Variants in HOATZ observed in about 807,000 individuals in gnomAD.
HOATZ encodes the protein HOATZ cilia and flagella associated protein.
HOATZ carries 26 observed loss-of-function variants against 24.9 expected under a neutral mutation model. That is an observed-to-expected ratio of 1.04 (90% CI 0.76 to 1.45). The LOEUF (loss-of-function observed/expected upper bound fraction) is 1.45. HOATZ is among the 40% of genes most tolerant of loss of function. The probability of loss-of-function intolerance (pLI) is 0.00; values close to 1 mark genes in which losing one functional copy is unlikely to be tolerated. For synonymous variants in HOATZ, 83 were observed against 76.6 expected (o/e 1.08, Z -0.43); for missense variants, 226 against 201.5 (o/e 1.12, Z -0.74).
At chr11:111,525,039 T>G (rs1337795436) in intron 3 of HOATZ, 1 of 321,964 alleles carries the variant, frequency 3.1e-6, no homozygotes, top group African/African-American at 2.2e-5. Flanking sequence ...CAGCTACATT[T>G]TTTGTATTTT....
chr11:111,526,497 A>T, intron 3 of HOATZ, among the ~76,000 whole-genome samples: 1 of 152,078 alleles, frequency 6.6e-6, no homozygotes, highest in East Asian at 1.9e-4. Flanking sequence ...TGGATATGGG[A>T]GGTGAGGTAC....
At chr11:111,527,627 T>G (rs1424521343) in intron 3 of HOATZ, among the ~76,000 whole-genome samples, 1 of 152,226 alleles carries the variant, frequency 6.6e-6, no homozygotes, top group Non-Finnish European at 1.5e-5. Context: ...TTAAAGTGCA[T>G]AGTAGATAAT....
chr11:111,531,868 C>T (rs1867396929), intron 3 of HOATZ, among the ~76,000 whole-genome samples: 2 of 152,192 alleles, frequency 1.3e-5, no homozygotes, highest in African/African-American at 4.8e-5. Flanking sequence ...CTTGATGAAT[C>T]ATGCCTGAGG....
intron 1 of HOATZ, 191 bp downstream of exon 1, chr11:111,515,201 G>A: frequency 1.7e-6 from 1 of 605,516 alleles, no homozygotes; most frequent in Non-Finnish European, 2.9e-6. Flanking sequence ...TGGTATATAT[G>A]TTACATCTAA....
chr11:111,534,552 C>G, intron 5 of HOATZ, 88 bp downstream of exon 5: 1 of 1,046,808 alleles, frequency 9.6e-7, no homozygotes, highest in Non-Finnish European at 1.5e-6. Flanking sequence ...GCCACTTACC[C>G]TTAAATCTTC....
intron 3 of HOATZ, among the ~76,000 whole-genome samples, chr11:111,529,742 C>A (rs981347668): frequency 2.0e-5 from 3 of 152,060 alleles, no homozygotes; most frequent in Non-Finnish European, 2.9e-5. Flanking sequence ...TATATGGGAA[C>A]CAGGTCTTGA....
At chr11:111,535,845 T>C (rs1282561432) in intron 5 of HOATZ, 2 of 151,898 alleles carry the variant, frequency 1.3e-5, no homozygotes, top group Non-Finnish European at 2.9e-5. Context: ...TTTTAGTAGA[T>C]ACAGGGTTTC....
In HOATZ at chr11:111,534,318, T is replaced by G. The variant is rs142681118; in HGVS notation, c.400-94T>G. ...AAGCTAGTCTTTATAAACTCTGTGA[T>G]GATTTTACCTCAGCTTTTTTTCAAA... is the stretch of plus-strand genomic sequence containing the variant. On this transcript the variant is annotated intron_variant, in intron 4 of 5. Transcript: ENST00000375618. The G allele has an allele frequency of 1.1e-4, 101 of 882,434 alleles. No homozygotes were observed. The African/African-American group carries it at 1.6e-3, about 14-fold the overall frequency. The allele number at this position is 882,434 out of a possible 1,614,324, so 54.7% of individuals were successfully genotyped here. A position where few individuals can be genotyped will look rare whatever the true frequency, so the allele number is the denominator to read the frequency against.
chr11:111,536,505 C>T (rs1209955641), intron 5 of HOATZ: 8 of 291,150 alleles, frequency 2.7e-5, no homozygotes, highest in Non-Finnish European at 5.1e-5. Context: ...AAATCAATTA[C>T]CAATGATGAA....
intron 3 of HOATZ, among the ~76,000 whole-genome samples, chr11:111,531,290 A>G (rs994269152): frequency 9.1e-5 from 7 of 76,520 alleles, no homozygotes; most frequent in African/African-American, 3.2e-4. Context: ...GCATTCATAC[A>G]TCATGACTCA....
intron 1 of HOATZ, 67 bp from the exon 2 acceptor site, chr11:111,515,444 A>C: frequency 7.5e-7 from 1 of 1,341,790 alleles, no homozygotes; most frequent in Non-Finnish European, 1.1e-6. Context: ...TAGTATAAAA[A>C]ATTCAAACGC....
In HOATZ at chr11:111,536,504, A is replaced by G. The variant is rs530166266; in HGVS notation, c.453-266A>G. ...AATGGGTAAACCAAAGAAATCAATTACCAATGATGAAATCTCAGGAGTCTG... is the reference window on the plus strand; with the variant it reads ...AATGGGTAAACCAAAGAAATCAATTGCCAATGATGAAATCTCAGGAGTCTG... On this transcript the variant is annotated intron_variant, in intron 5 of 5. Transcript: ENST00000375618. 5.1e-5 allele frequency: 15 copies of G among 292,050 alleles called. No homozygotes were observed. In the Admixed American group the frequency reaches 6.6e-4, roughly 13 times the overall value. 18.1% of individuals were successfully genotyped at this position (292,050 alleles called of 1,614,324 possible).
At chr11:111,528,478 T>C (rs940953489) in intron 3 of HOATZ, among the ~76,000 whole-genome samples, 64 of 152,332 alleles carry the variant, frequency 4.2e-4, no homozygotes, top group African/African-American at 1.5e-3. Context: ...TACAATTAAT[T>C]TATAATTTAA....
In HOATZ at chr11:111,520,239, C is replaced by T. The variant is rs146974885; in HGVS notation, c.339+4129C>T. On this transcript the variant is annotated intron_variant, in intron 3 of 5. Transcript: ENST00000375618. ...ACTAATTTGCTTTTTAGTTTTGCCG[C>T]CTTTAAGAAAGCTCTTCAGCTGATT... 5.3e-5 allele frequency among the ~76,000 whole-genome samples: 8 copies of T among 152,084 alleles called. No homozygotes were observed. In the East Asian group the frequency reaches 1.5e-3, roughly 29 times the overall value.
rs200124081 is a variant in HOATZ at position 111,515,570 on chromosome 11, T to C, written c.268+18T>C. 316 of 1,605,002 alleles carry C rather than the reference T, an allele frequency of 2.0e-4. No homozygotes were observed. The highest frequency in any genetic ancestry group is 1.3e-3 in the Middle Eastern group (8 of 6,042). ...GAGTAACAGTAAGTACCAAGTTTTA[T>C]GCCTTTCAACATTCTGACTCCTAGG... On this transcript the variant is annotated intron_variant, in intron 2 of 5. Transcript: ENST00000375618.
At chr11:111,532,839 T>C (rs1291277848) in intron 3 of HOATZ, among the ~76,000 whole-genome samples, 1 of 152,206 alleles carries the variant, frequency 6.6e-6, no homozygotes, top group Non-Finnish European at 1.5e-5. Context: ...TTATGTGATT[T>C]TATCTGGCCA....
intron 3 of HOATZ, among the ~76,000 whole-genome samples, chr11:111,531,825 C>T (rs1867396418): frequency 6.6e-6 from 1 of 152,184 alleles, no homozygotes; most frequent in Non-Finnish European, 1.5e-5. Flanking sequence ...ACACTGATTA[C>T]AGCTGCCCAG....
At chr11:111,524,413 G>C (rs534310458) in intron 3 of HOATZ, among the ~76,000 whole-genome samples, 1 of 152,352 alleles carries the variant, frequency 6.6e-6, no homozygotes, top group African/African-American at 2.4e-5. Context: ...CAGCATGTAA[G>C]AGAAACCCTG....
At chr11:111,524,230 A>G (rs1216363779) in intron 3 of HOATZ, among the ~76,000 whole-genome samples, 4 of 152,250 alleles carry the variant, frequency 2.6e-5, no homozygotes, top group African/African-American at 9.6e-5. Flanking sequence ...CTGAACAGAC[A>G]TGTAGTCAGT....
Sources: allele counts gnomAD v4.1 joint callset (sites outside exome capture counted in the v4.1 genomes callset), GRCh38; gene constraint gnomAD v4.1.1; transcripts MANE v1.5; gene names NCBI Gene and HGNC (gene_info 2026-07-23, HGNC 2026-07-21).